BAIAP2L2: variants seen among roughly 807,000 people sequenced by gnomAD.
The protein encoded by BAIAP2L2 is BAR/IMD domain-containing adapter protein 2-like 2.
In BAIAP2L2, 65 loss-of-function variants were observed where a neutral mutation model predicts 60.4. The observed-to-expected ratio is 1.08, with a 90% CI of 0.88 to 1.32. The LOEUF is 1.32. Among genes scored for constraint, BAIAP2L2 ranks in the 40% most tolerant of loss-of-function variants. The pLI is 0.00. For synonymous variants in BAIAP2L2, 344 were observed against 301.7 expected, an observed-to-expected ratio of 1.14 and a Z score of -1.45; for missense variants, 836 against 741.2, an observed-to-expected ratio of 1.13 and a Z score of -1.48.
At position 38,099,482 on chromosome 22, in the gene BAIAP2L2, G is replaced by C. The variant is rs181392410; in HGVS notation, c.277-1000C>G. On this transcript the variant is annotated intron_variant, in intron 4 of 13. Transcript: ENST00000381669. ...CAGGGAGGCGGAGGTTGTAGTGAGCGGAGATCACGCCACTGCACTCCAGCC... is the reference window on the plus strand; with the variant it reads ...CAGGGAGGCGGAGGTTGTAGTGAGCCGAGATCACGCCACTGCACTCCAGCC... Among the ~76,000 whole-genome samples the C allele has an allele frequency of 2.3e-3, 353 of 151,896 alleles. 1 individual carries two copies. Among genetic ancestry groups the C allele is most frequent in the African/African-American group, 8.2e-3 (338 of 41,414 alleles).
At chr22:38,094,233 C>T (rs372532909) in intron 7 of BAIAP2L2, among the ~76,000 whole-genome samples, 20 of 152,100 alleles carry the variant, frequency 1.3e-4, no homozygotes, top group Middle Eastern at 3.4e-3. Context: ...TTGTCCAGGC[C>T]GGAGTGCAGT....
intron 7 of BAIAP2L2, among the ~76,000 whole-genome samples, chr22:38,093,171 T>G (rs569805086): frequency 6.6e-6 from 1 of 151,808 alleles, no homozygotes; most frequent in South Asian, 2.1e-4. Context: ...CATCTTAAAA[T>G]AAAAAGAAAA....
At position 38,110,582 on chromosome 22, in the gene BAIAP2L2, CG is replaced by C; in HGVS notation, c.-58del. The C allele has an allele frequency of 6.7e-7, 1 of 1,486,860 alleles. No homozygotes were observed. The highest frequency in any genetic ancestry group is 1.2e-5 in the South Asian group (1 of 81,898). The allele number at this position is 1,486,860 out of a possible 1,614,324, so 92.1% of individuals were successfully genotyped here. On this transcript the variant is annotated 5_prime_UTR_variant, in exon 1 of 14. Transcript: ENST00000381669. ...TGGGAGCTGGTGGCGATGGCACAGC[CG>C]GGAGCAGTGGTAGGTAGTCCCTCAG...
chr22:38,096,080 C>G (rs2086420176), intron 7 of BAIAP2L2, among the ~76,000 whole-genome samples: 1 of 151,940 alleles, frequency 6.6e-6, no homozygotes, highest in African/African-American at 2.4e-5. Context: ...AAGTCAGTAA[C>G]AGAAAGTATA....
chr22:38,093,794 CACAA>C (rs931994616), intron 7 of BAIAP2L2: 2 of 416,012 alleles, frequency 4.8e-6, no homozygotes, highest in Non-Finnish European at 9.9e-6. Context: ...CTGGAAGTTC[CACAA>C]ACAGTTAAAC....
At position 38,085,020 on chromosome 22, in the gene BAIAP2L2, TA is replaced by T. The variant is rs1473159781; in HGVS notation, c.*279del. 1 of 420,266 alleles carries T rather than the reference TA, an allele frequency of 2.4e-6. No homozygotes were observed. Among genetic ancestry groups the T allele is most frequent in the African/African-American group, 2.1e-5 (1 of 48,726 alleles). The allele number at this position is 420,266 out of a possible 1,614,324, so 26.0% of individuals were successfully genotyped here. A position where few individuals can be genotyped will look rare whatever the true frequency, so the allele number is the denominator to read the frequency against. On this transcript the variant is annotated 3_prime_UTR_variant, in exon 14 of 14. Transcript: ENST00000381669. ...GGGGGCAGAAAAGGGGGAAAGAGGT[TA>T]GGGGGCAAGAGGTGGGCCCCCCAGG...
intron 7 of BAIAP2L2, among the ~76,000 whole-genome samples, chr22:38,092,969 C>T (rs1458311584): frequency 6.6e-6 from 1 of 152,036 alleles, no homozygotes; most frequent in African/African-American, 2.4e-5. Context: ...GAGTTCAAGA[C>T]CAGCCTGGCC....
chr22:38,106,261 G>A (rs1229699589), intron 4 of BAIAP2L2, among the ~76,000 whole-genome samples: 1 of 152,172 alleles, frequency 6.6e-6, no homozygotes, highest in Non-Finnish European at 1.5e-5. Flanking sequence ...GCTCACGGCT[G>A]TAATCCCAGC....
Position 38,087,190 on chromosome 22 carries a change from G to GAGGTCAT in BAIAP2L2, c.1192_1193insATGACCT (p.Pro398HisfsTer37), listed in dbSNP as rs374089121. 1 of 1,599,808 alleles carries GAGGTCAT rather than the reference G, an allele frequency of 6.3e-7. No homozygotes were observed. Among genetic ancestry groups the GAGGTCAT allele is most frequent in the South Asian group, 1.1e-5 (1 of 88,836 alleles). On this transcript the variant is annotated frameshift_variant, in exon 11 of 14. Transcript: ENST00000381669. LOFTEE classifies it high-confidence loss of function. ...GGACATGGAGGTCATGGAGGTCATG[G>GAGGTCAT]GGGTCACGGGGGTCATGGGATTCAC...
At chr22:38,088,083 C>T (rs754344688) in intron 10 of BAIAP2L2, among the ~76,000 whole-genome samples, 4 of 152,232 alleles carry the variant, frequency 2.6e-5, no homozygotes, top group Admixed American at 6.5e-5. Flanking sequence ...TGCTTCTCTC[C>T]TGCAGCAGGA....
chr22:38,089,479 G>A lies in BAIAP2L2; in HGVS notation c.765+43C>T, dbSNP rs1467949153. The stretch of plus-strand genomic sequence containing the variant: ...CTGAGGCCCCGGGCCCCCGCGGGGG[G>A]CGGCGGGGGCGCGAACGGCGGCGGG... On this transcript the variant is annotated intron_variant, in intron 8 of 13. Transcript: ENST00000381669. 1.7e-5 allele frequency: 19 copies of A among 1,125,352 alleles called. No homozygotes were observed. The African/African-American group carries it at 2.0e-4, about 12-fold the overall frequency. The allele number at this position is 1,125,352 out of a possible 1,614,324, so 69.7% of individuals were successfully genotyped here.
intron 4 of BAIAP2L2, among the ~76,000 whole-genome samples, chr22:38,105,501 G>A (rs1366094159): frequency 2.6e-5 from 4 of 151,784 alleles, no homozygotes; most frequent in Admixed American, 6.6e-5. Flanking sequence ...CACCACATGC[G>A]CGGCTAATTT....
chr22:38,097,985 G>A lies in BAIAP2L2; in HGVS notation c.465+78C>T, dbSNP rs2086478485. The A allele has an allele frequency of 2.9e-6, 4 of 1,375,672 alleles. No homozygotes were observed. In the African/African-American group the frequency reaches 4.3e-5, roughly 15 times the overall value. The allele number at this position is 1,375,672 out of a possible 1,614,324, so 85.2% of individuals were successfully genotyped here. On this transcript the variant is annotated intron_variant, in intron 6 of 13. Transcript: ENST00000381669. ...TGGGGGAGCTCAGGGAGGCGTTCGG[G>A]GTTCCCAGGGCCCGGTCTCGCCCCG...
At chr22:38,090,847 A>G (rs558205446) in intron 7 of BAIAP2L2, 1 of 152,298 alleles carries the variant, frequency 6.6e-6, no homozygotes, top group African/African-American at 2.4e-5. Flanking sequence ...CCCCATGACT[A>G]AAAACCTCAC....
At chr22:38,110,375 C>A in intron 1 of BAIAP2L2, 100 bp downstream of exon 1, 1 of 1,240,576 alleles carries the variant, frequency 8.1e-7, no homozygotes, top group Non-Finnish European at 1.2e-6. Context: ...CTTTCCAGGA[C>A]ATCTGTAGCC....
intron 4 of BAIAP2L2, among the ~76,000 whole-genome samples, chr22:38,106,528 T>TAAA (rs71195083): frequency 5.7e-5 from 7 of 121,966 alleles, no homozygotes; most frequent in South Asian, 2.6e-4. Flanking sequence ...TCAAAAAAAT[T>TAAA]AAAAAAAAAA....
intron 4 of BAIAP2L2, 95 bp from the exon 5 acceptor site, chr22:38,098,577 C>T (rs1406144955): frequency 3.1e-6 from 3 of 969,512 alleles, no homozygotes; most frequent in South Asian, 1.6e-5. Flanking sequence ...GACTGCCCAT[C>T]GTGCTCCTAA....
chr22:38,109,967 T>C (rs965966822), intron 1 of BAIAP2L2, among the ~76,000 whole-genome samples: 15 of 147,254 alleles, frequency 1.0e-4, no homozygotes, highest in Non-Finnish European at 2.2e-4. Context: ...AATAAATGTC[T>C]GTGGCGGCTG....
intron 6 of BAIAP2L2, 46 bp downstream of exon 6, chr22:38,098,017 G>GCCCCCCCC: frequency 4.0e-6 from 3 of 741,764 alleles, no homozygotes; most frequent in East Asian, 3.2e-5. Flanking sequence ...CCCGAGGTCT[G>GCCCCCCCC]CCCACCCGCC....
Sources: allele counts gnomAD v4.1 joint callset (sites outside exome capture counted in the v4.1 genomes callset), GRCh38; gene constraint gnomAD v4.1.1; transcripts MANE v1.5; gene names NCBI Gene and HGNC (gene_info 2026-07-23, HGNC 2026-07-21).